Variants in SAMD4A observed in about 807,000 individuals in gnomAD.
SAMD4A encodes sterile alpha motif domain containing 4A.
SAMD4A carries 33 observed loss-of-function variants against 81.3 expected under a neutral mutation model. The observed-to-expected ratio is 0.41, with a 90% CI of 0.31 to 0.54. The LOEUF is 0.54. SAMD4A is among the 20% of genes least tolerant of loss of function. The pLI, the probability that SAMD4A is intolerant of heterozygous loss-of-function variation, is 0.37. For missense variants in SAMD4A, 854 were observed against 951.1 expected, an observed-to-expected ratio of 0.90 and a Z score of 1.34; for synonymous variants, 389 against 382.1, an observed-to-expected ratio of 1.02 and a Z score of -0.21.
rs1243632812 is a variant in SAMD4A at position 54,748,810 on chromosome 14, C to G, written c.980-5C>G. On this transcript the variant is annotated splice_polypyrimidine_tract_variant and splice_region_variant and intron_variant, in intron 4 of 12. Transcript: ENST00000554335. ...TCCCCATCTCTTGCACATCTTGCAC[C>G]ACAGATGTTCCAGCCTGGCTGAAAA... The G allele has an allele frequency of 4.5e-6, 7 of 1,544,880 alleles. No homozygotes were observed. The highest frequency in any genetic ancestry group is 6.1e-6 in the Non-Finnish European group (7 of 1,140,684).
chr14:54,782,427 A>G (rs572305409), intron 11 of SAMD4A, among the ~76,000 whole-genome samples: 2 of 152,072 alleles, frequency 1.3e-5, no homozygotes, highest in African/African-American at 2.4e-5. Flanking sequence ...TTTTGCATGC[A>G]TATGATTTTC....
At chr14:54,724,011 A>AT (rs2037338943) in intron 3 of SAMD4A, among the ~76,000 whole-genome samples, 10 of 130,096 alleles carry the variant, frequency 7.7e-5, no homozygotes, top group African/African-American at 2.5e-4. Flanking sequence ...GATGGATGGA[A>AT]GGAAGGAAGG....
At chr14:54,671,692 G>T (rs2035883632) in intron 2 of SAMD4A, among the ~76,000 whole-genome samples, 1 of 152,238 alleles carries the variant, frequency 6.6e-6, no homozygotes, top group Non-Finnish European at 1.5e-5. Context: ...TAGTGGGTGT[G>T]TGTGAAGCCT....
chr14:54,656,318 G>A (rs189292042), intron 2 of SAMD4A, among the ~76,000 whole-genome samples: 1 of 152,306 alleles, frequency 6.6e-6, no homozygotes, highest in African/African-American at 2.4e-5. Context: ...CATATGGAGA[G>A]ACGCTTTGAT....
intron 2 of SAMD4A, among the ~76,000 whole-genome samples, chr14:54,639,605 C>T (rs1049154256): frequency 7.2e-5 from 11 of 152,184 alleles, no homozygotes; most frequent in Admixed American, 2.6e-4. Flanking sequence ...TGCCTCCCTT[C>T]GGAATCTGTC....
At chr14:54,778,157 CTTGA>C (rs763438878) in intron 11 of SAMD4A, among the ~76,000 whole-genome samples, 15 of 152,184 alleles carry the variant, frequency 9.9e-5, no homozygotes, top group Non-Finnish European at 1.9e-4. Flanking sequence ...TCAAGGCCTT[CTTGA>C]TTTTTTCCCT....
intron 10 of SAMD4A, among the ~76,000 whole-genome samples, chr14:54,776,060 T>C (rs908136802): frequency 3.4e-5 from 5 of 148,970 alleles, no homozygotes; most frequent in African/African-American, 1.2e-4. Flanking sequence ...CCTGAAATAG[T>C]TTGTGCTCTT....
rs560635812 is a variant in SAMD4A at position 54,614,970 on chromosome 14, G to A, written c.196+46858G>A. Among the ~76,000 whole-genome samples the A allele has an allele frequency of 1.6e-4, 25 of 152,246 alleles. 1 individual carries two copies. In the South Asian group the frequency reaches 5.2e-3, roughly 32 times the overall value. ...ATTCTTACTGCACCATCTTTCTTTG[G>A]TAGTATGCCCAGTGTGTGTTTAATT... On this transcript the variant is annotated intron_variant, in intron 2 of 12. Transcript: ENST00000554335.
intron 2 of SAMD4A, among the ~76,000 whole-genome samples, chr14:54,651,076 T>C (rs985513543): frequency 3.9e-5 from 6 of 152,220 alleles, no homozygotes; most frequent in African/African-American, 1.4e-4. Context: ...CTTCATGGTT[T>C]AGATGCCCTG....
In SAMD4A at chr14:54,702,712, G is replaced by A. The variant is rs2036751470; in HGVS notation, c.715+132G>A. The A allele has an allele frequency of 1.1e-5, 12 of 1,106,752 alleles. No homozygotes were observed. The East Asian group carries it at 2.9e-4, about 26-fold the overall frequency. 68.6% of individuals were successfully genotyped at this position (1,106,752 alleles called of 1,614,324 possible). ...AGAAGGACTGATTGGAATTGGCTGT[G>A]GGAAAGGTCCTTTGGACCCCATATT... On this transcript the variant is annotated intron_variant, in intron 3 of 12. Transcript: ENST00000554335.
At chr14:54,761,615 G>C (rs142198176) in intron 7 of SAMD4A, among the ~76,000 whole-genome samples, 4,022 of 152,278 alleles carry the variant, frequency 0.026, 81 homozygotes, top group Non-Finnish European at 0.042. Flanking sequence ...TTACAAGATG[G>C]TGCCCTGTCT....
At chr14:54,717,089 T>C (rs551001985) in intron 3 of SAMD4A, among the ~76,000 whole-genome samples, 126 of 152,262 alleles carry the variant, frequency 8.3e-4, no homozygotes, top group Non-Finnish European at 1.5e-3. Flanking sequence ...TTGGGTGTAG[T>C]CATGAGGCCT....
intron 2 of SAMD4A, among the ~76,000 whole-genome samples, chr14:54,653,822 C>T (rs1022816950): frequency 6.6e-6 from 1 of 152,138 alleles, no homozygotes; most frequent in Non-Finnish European, 1.5e-5. Flanking sequence ...GTGGCAGGAC[C>T]AAGTCAGCCA....
chr14:54,678,357 G>A lies in SAMD4A; in HGVS notation c.197-23705G>A, dbSNP rs557583167. 3.1e-3 allele frequency among the ~76,000 whole-genome samples: 471 copies of A among 152,076 alleles called. 24 individuals carry two copies. The South Asian group carries it at 0.094, about 30-fold the overall frequency. ...ATGACCTGCCTCAGGGGAGAAGGGAGGAGAATTTAAAAGTGACCTTCCTAA... is the reference window on the plus strand; with the variant it reads ...ATGACCTGCCTCAGGGGAGAAGGGAAGAGAATTTAAAAGTGACCTTCCTAA... On this transcript the variant is annotated intron_variant, in intron 2 of 12. Transcript: ENST00000554335.
At chr14:54,605,793 C>CTA (rs147402380) in intron 2 of SAMD4A, among the ~76,000 whole-genome samples, 2,307 of 149,298 alleles carry the variant, frequency 0.015, 30 homozygotes, top group Admixed American at 0.027. Context: ...TTAAACATGC[C>CTA]TATATATATA....
chr14:54,728,489 C>T (rs2140896088), intron 3 of SAMD4A, among the ~76,000 whole-genome samples: 1 of 151,888 alleles, frequency 6.6e-6, no homozygotes, highest in Non-Finnish European at 1.5e-5. Flanking sequence ...CCAATTTCTC[C>T]TAATTAACAA....
chr14:54,776,808 A>G (rs2038862613), intron 11 of SAMD4A, among the ~76,000 whole-genome samples: 1 of 152,146 alleles, frequency 6.6e-6, no homozygotes, highest in Admixed American at 6.5e-5. Flanking sequence ...AACCAGAGAT[A>G]GCACAAGAGG....
At chr14:54,671,146 C>T (rs374719717) in intron 2 of SAMD4A, among the ~76,000 whole-genome samples, 1 of 152,030 alleles carries the variant, frequency 6.6e-6, no homozygotes, top group East Asian at 1.9e-4. Context: ...ATGGTTAGAT[C>T]GTAAGAGAAA....
chr14:54,779,551 C>T (rs909357997), intron 11 of SAMD4A, among the ~76,000 whole-genome samples: 2 of 152,184 alleles, frequency 1.3e-5, no homozygotes, highest in African/African-American at 4.8e-5. Flanking sequence ...CACCAAGTTG[C>T]GGATCAATTC....
Sources: allele counts gnomAD v4.1 joint callset (sites outside exome capture counted in the v4.1 genomes callset), GRCh38; gene constraint gnomAD v4.1.1; transcripts MANE v1.5; gene names NCBI Gene and HGNC (gene_info 2026-07-23, HGNC 2026-07-21).